The following AGFG1 variants were observed in gnomAD, a reference collection of about 807,000 sequenced individuals.
AGFG1 encodes ArfGAP with FG repeats 1.
AGFG1 carries 10 observed loss-of-function variants against 60.6 expected under a neutral mutation model. The ratio of observed to expected loss-of-function variants is 0.16; its 90% CI spans 0.10 to 0.28. The LOEUF (loss-of-function observed/expected upper bound fraction) is 0.28, where lower values mean the gene tolerates loss of function less well. AGFG1 is among the 10% of genes least tolerant of loss of function. The pLI, the probability that AGFG1 is intolerant of heterozygous loss-of-function variation, is 1.00. For missense variants in AGFG1, 537 were observed against 676.5 expected (o/e 0.79, Z 2.29); for synonymous variants, 247 against 242.9 (o/e 1.02, Z -0.16).
chr2:227,480,738 G>C (rs965358801), intron 1 of AGFG1, among the ~76,000 whole-genome samples: 1 of 152,080 alleles, frequency 6.6e-6, no homozygotes, highest in African/African-American at 2.4e-5. Context: ...ACCTATGTTA[G>C]ATGCTCTGTT....
intron 2 of AGFG1, among the ~76,000 whole-genome samples, chr2:227,502,629 T>C (rs1691192696): frequency 6.6e-6 from 1 of 152,172 alleles, no homozygotes; most frequent in Non-Finnish European, 1.5e-5. Context: ...CCCTCATTTA[T>C]TTTCTTTTTG....
chr2:227,528,201 A>G (rs748210357), intron 5 of AGFG1, among the ~76,000 whole-genome samples: 1 of 152,224 alleles, frequency 6.6e-6, no homozygotes, highest in African/African-American at 2.4e-5. Flanking sequence ...GACATGCTTT[A>G]GAAGGAAACT....
intron 2 of AGFG1, among the ~76,000 whole-genome samples, chr2:227,508,091 A>T (rs1248380202): frequency 6.6e-6 from 1 of 151,898 alleles, no homozygotes; most frequent in Non-Finnish European, 1.5e-5. Context: ...TGGTTTATTT[A>T]CATAGAATAT....
chr2:227,516,687 A>G (rs1691661087), intron 2 of AGFG1, among the ~76,000 whole-genome samples: 1 of 152,234 alleles, frequency 6.6e-6, no homozygotes, highest in Non-Finnish European at 1.5e-5. Context: ...ACGAGTGCCA[A>G]GATGGCAGCT....
chr2:227,497,730 GTTTT>G (rs1691021185), intron 2 of AGFG1, among the ~76,000 whole-genome samples: 1 of 38,940 alleles, frequency 2.6e-5, no homozygotes, highest in Non-Finnish European at 5.4e-5. Flanking sequence ...TTTCTTTCTT[GTTTT>G]GTTTTTTTTT....
At chr2:227,494,567 A>G (rs561679731) in intron 2 of AGFG1, among the ~76,000 whole-genome samples, 1 of 152,280 alleles carries the variant, frequency 6.6e-6, no homozygotes, top group East Asian at 1.9e-4. Context: ...GCTGTGGGGC[A>G]TGTTTGGTTG....
chr2:227,560,436 C>CT lies in AGFG1; in HGVS notation c.*5942dup, dbSNP rs5839217. ...CATTTAAAGAAGAAAAAAAATCTCT[C>CT]TGACTATCTGAAGATATATGAAAAA... On this transcript the variant is annotated 3_prime_UTR_variant, in exon 13 of 13. Coordinates refer to ENST00000310078, the MANE Select transcript of AGFG1 (RefSeq NM_004504.5). The CT allele has an allele frequency of 1.3e-5, 2 of 151,388 alleles. No individual in the cohort carries two copies. The highest frequency in any genetic ancestry group is 2.1e-4 in the South Asian group (1 of 4,814). 9.4% of individuals were successfully genotyped at this position (151,388 alleles called of 1,614,324 possible). A position where few individuals can be genotyped will look rare whatever the true frequency, so the allele number is the denominator to read the frequency against.
chr2:227,553,896 T>C (rs1407018364), intron 12 of AGFG1, 101 bp downstream of exon 12: 1 of 684,444 alleles, frequency 1.5e-6, no homozygotes. Flanking sequence ...TTTGGTGTTA[T>C]ATTGATATGA....
chr2:227,546,014 A>T (rs535383029), intron 10 of AGFG1, among the ~76,000 whole-genome samples: 1 of 152,178 alleles, frequency 6.6e-6, no homozygotes, highest in Non-Finnish European at 1.5e-5. Flanking sequence ...ATTGCTCTCT[A>T]CAAAGCTGTC....
chr2:227,540,140 C>T (rs542239284), intron 10 of AGFG1, among the ~76,000 whole-genome samples: 1 of 151,594 alleles, frequency 6.6e-6, no homozygotes, highest in South Asian at 2.1e-4. Flanking sequence ...TTGGATCATT[C>T]TTAAAATGAT....
intron 1 of AGFG1, among the ~76,000 whole-genome samples, chr2:227,483,718 G>A (rs1690535980): frequency 6.6e-6 from 1 of 152,144 alleles, no homozygotes; most frequent in East Asian, 1.9e-4. Context: ...TTTTCTGTTT[G>A]AGGAGTTTCT....
chr2:227,545,152 T>G (rs1178562422), intron 10 of AGFG1, among the ~76,000 whole-genome samples: 1 of 152,172 alleles, frequency 6.6e-6, no homozygotes, highest in Admixed American at 6.5e-5. Flanking sequence ...AGGCTTTGTT[T>G]GTTTCTTTTT....
intron 3 of AGFG1, 89 bp downstream of exon 3, chr2:227,520,152 A>T: frequency 1.3e-6 from 1 of 784,170 alleles, no homozygotes; most frequent in East Asian, 3.0e-5. Flanking sequence ...GAAGGATAAA[A>T]GACAGACAGT....
intron 2 of AGFG1, among the ~76,000 whole-genome samples, chr2:227,501,810 C>T (rs753878135): frequency 1.3e-5 from 2 of 151,914 alleles, no homozygotes; most frequent in Non-Finnish European, 2.9e-5. Context: ...TTTTTTTATT[C>T]ACATTCATAT....
In AGFG1 at chr2:227,554,612, A is replaced by G; in HGVS notation, c.*117A>G. 1 of 862,172 alleles carries G rather than the reference A, an allele frequency of 1.2e-6. No individual in the cohort carries two copies. Among genetic ancestry groups the G allele is most frequent in the Non-Finnish European group, 1.8e-6 (1 of 566,134 alleles). 53.4% of individuals were successfully genotyped at this position (862,172 alleles called of 1,614,324 possible). A position where few individuals can be genotyped will look rare whatever the true frequency, so the allele number is the denominator to read the frequency against. ...GCTTTAAACACAAGAGAAGTCTTTA[A>G]AAAGCCTGCATTGTGTATTAAACAC... On this transcript the variant is annotated 3_prime_UTR_variant, in exon 13 of 13. Transcript: ENST00000310078.
intron 2 of AGFG1, among the ~76,000 whole-genome samples, chr2:227,493,481 G>A (rs1407738975): frequency 6.6e-6 from 1 of 152,062 alleles, no homozygotes; most frequent in Non-Finnish European, 1.5e-5. Context: ...TGTATGGCAG[G>A]ATTTCTGAAG....
rs986513994 is a variant in AGFG1, at chr2:227,555,234, A to G, written c.*739A>G. ...AAAAGACTTCTTAGTGACTTTTTAT[A>G]AAAAGGCCATGTAGAAAATTTATTA... On this transcript the variant is annotated 3_prime_UTR_variant, in exon 13 of 13. Transcript: ENST00000310078. 1.3e-5 allele frequency: 2 copies of G among 152,618 alleles called. No homozygotes were observed. The highest frequency in any genetic ancestry group is 1.9e-4 in the East Asian group (1 of 5,204). The allele number at this position is 152,618 out of a possible 1,614,324, so 9.5% of individuals were successfully genotyped here.
intron 1 of AGFG1, among the ~76,000 whole-genome samples, chr2:227,475,139 A>G (rs1011881284): frequency 6.6e-6 from 1 of 152,184 alleles, no homozygotes; most frequent in Non-Finnish European, 1.5e-5. Flanking sequence ...CAAAACCGGA[A>G]TCTAATTGGT....
At chr2:227,478,020 G>C (rs977155536) in intron 1 of AGFG1, among the ~76,000 whole-genome samples, 6 of 151,926 alleles carry the variant, frequency 3.9e-5, no homozygotes, top group African/African-American at 1.5e-4. Context: ...TTATTTTTGA[G>C]TTTCATTGAG....
Sources: allele counts gnomAD v4.1 joint callset (sites outside exome capture counted in the v4.1 genomes callset), GRCh38; gene constraint gnomAD v4.1.1; transcripts MANE v1.5; gene names NCBI Gene and HGNC (gene_info 2026-07-23, HGNC 2026-07-21).